The following SLC15A5 variants were observed in gnomAD, a reference collection of about 807,000 sequenced individuals.
SLC15A5 encodes the protein solute carrier family 15 member 5, also known as Peptide/histidine transporter ENSP00000340402.
Under a neutral mutation model 56.1 loss-of-function variants are expected in SLC15A5, and 58 were observed. The observed-to-expected ratio is 1.03, with a 90% confidence interval of 0.84 to 1.29. SLC15A5 has a LOEUF of 1.29. Ranked by LOEUF, SLC15A5 falls within the 50% of genes most tolerant of loss-of-function variation. The pLI is 0.00. For synonymous variants in SLC15A5, 264 were observed against 250.5 expected, an observed-to-expected ratio of 1.05 and a Z score of -0.51; for missense variants, 681 against 672.1, an observed-to-expected ratio of 1.01 and a Z score of -0.15.
Position 16,220,858 on chromosome 12 carries a change from A to G in SLC15A5, c.1351+3556T>C, listed in dbSNP as rs1591646287. On this transcript the variant is annotated intron_variant, in intron 6 of 8. Transcript: ENST00000344941. ...CTGATGTGTCTAAAACTTCGAGAGCAGTATTAGGCACACTGTAGACACCCA... is the reference window on the plus strand; with the variant it reads ...CTGATGTGTCTAAAACTTCGAGAGCGGTATTAGGCACACTGTAGACACCCA... Among the ~76,000 whole-genome samples the G allele has an allele frequency of 2.6e-5, 4 of 152,312 alleles. No individual in the cohort carries two copies. The East Asian group carries it at 7.7e-4, about 29-fold the overall frequency.
intron 8 of SLC15A5, among the ~76,000 whole-genome samples, chr12:16,193,607 A>G (rs1398310398): frequency 6.6e-6 from 1 of 152,018 alleles, no homozygotes; most frequent in Non-Finnish European, 1.5e-5. Flanking sequence ...AGTGAGGAAA[A>G]TGAAAATCTG....
chr12:16,224,573 C>T lies in SLC15A5; in HGVS notation c.1192G>A (p.Val398Met). 6.5e-7 allele frequency: 1 copy of T among 1,533,940 alleles called. No homozygotes were observed. The highest frequency in any genetic ancestry group is 8.7e-7 in the Non-Finnish European group (1 of 1,145,638). ...IAGNLFAALS[V>M]MIAGFFEIHR... ...ATTTCAAAGAAGCCAGCTATCATCA[C>T]AGACAATGCAGCAAAAAGATTTCCA... Residue 398 changes from valine (V) to methionine (M), a missense_variant, in exon 6 of 9, where the codon GTG becomes ATG. By Grantham distance (21) the Val-to-Met change is conservative. Coordinates refer to ENST00000344941, the MANE Select transcript of SLC15A5 (RefSeq NM_001170798.1).
At chr12:16,195,877 A>G (rs920314659) in intron 7 of SLC15A5, among the ~76,000 whole-genome samples, 3 of 152,102 alleles carry the variant, frequency 2.0e-5, no homozygotes, top group Non-Finnish European at 4.4e-5. Context: ...CTACTCAATG[A>G]CTATTACTAT....
At position 16,275,650 on chromosome 12, in the gene SLC15A5, C is replaced by T. The variant is rs542589174; in HGVS notation, c.361+1675G>A. Among the ~76,000 whole-genome samples, 18 of 152,032 alleles carry T rather than the reference C, an allele frequency of 1.2e-4. 1 individual carries two copies. In the South Asian group the frequency reaches 3.7e-3, roughly 32 times the overall value. On this transcript the variant is annotated intron_variant, in intron 1 of 8. Coordinates refer to ENST00000344941, the MANE Select transcript of SLC15A5 (RefSeq NM_001170798.1). Reference sequence around the variant, plus strand: ...TTTAGTGACAGTTGGAATTTGATGGCAGCTGTAAGTGGAGGGCAACAAAGA... The same window carrying T: ...TTTAGTGACAGTTGGAATTTGATGGTAGCTGTAAGTGGAGGGCAACAAAGA...
intron 6 of SLC15A5, among the ~76,000 whole-genome samples, chr12:16,220,687 A>G (rs1864177487): frequency 6.6e-6 from 1 of 152,216 alleles, no homozygotes; most frequent in Non-Finnish European, 1.5e-5. Flanking sequence ...CATGTGTTGG[A>G]TCAATAACTG....
At chr12:16,264,113 C>T (rs1479411532) in intron 2 of SLC15A5, among the ~76,000 whole-genome samples, 2 of 152,200 alleles carry the variant, frequency 1.3e-5, no homozygotes, top group Admixed American at 6.5e-5. Flanking sequence ...CCTGGAAAAG[C>T]AGCAGACACT....
intron 2 of SLC15A5, among the ~76,000 whole-genome samples, chr12:16,266,836 T>C (rs1011222445): frequency 1.2e-4 from 18 of 152,168 alleles, no homozygotes; most frequent in African/African-American, 4.1e-4. Context: ...AGTAAAAATA[T>C]GTTTCTTTAG....
intron 2 of SLC15A5, among the ~76,000 whole-genome samples, chr12:16,264,218 A>G (rs527707700): frequency 9.9e-4 from 151 of 152,332 alleles, no homozygotes; most frequent in Non-Finnish European, 1.8e-3. Flanking sequence ...CACCTCTTGC[A>G]TTAGCATGAC....
intron 5 of SLC15A5, among the ~76,000 whole-genome samples, chr12:16,232,025 C>A (rs1452711780): frequency 6.6e-6 from 1 of 152,168 alleles, no homozygotes; most frequent in Admixed American, 6.5e-5. Context: ...GTCATATCAT[C>A]CTGAGTAATA....
chr12:16,247,530 C>T (rs1027037848), intron 3 of SLC15A5, among the ~76,000 whole-genome samples: 1 of 152,136 alleles, frequency 6.6e-6, no homozygotes, highest in East Asian at 1.9e-4. Context: ...GATGAAAACA[C>T]AGTGGGCTGT....
Position 16,189,608 on chromosome 12 carries a change from C to T in SLC15A5, c.*60G>A, listed in dbSNP as rs1863820766. The T allele has an allele frequency of 1.5e-6, 2 of 1,337,742 alleles. No homozygotes were observed. Among genetic ancestry groups the T allele is most frequent in the Non-Finnish European group, 1.9e-6 (2 of 1,039,820 alleles). The allele number at this position is 1,337,742 out of a possible 1,614,324, so 82.9% of individuals were successfully genotyped here. ...TTTACACTAAAACACATAAAATGCT[C>T]AACTGAAGAAGAAAACAATGAATAC... is the stretch of plus-strand genomic sequence containing the variant. On this transcript the variant is annotated 3_prime_UTR_variant, in exon 9 of 9. Coordinates refer to ENST00000344941, the MANE Select transcript of SLC15A5 (RefSeq NM_001170798.1).
intron 7 of SLC15A5, among the ~76,000 whole-genome samples, chr12:16,212,550 AT>A (rs1864094029): frequency 6.6e-6 from 1 of 152,108 alleles, no homozygotes; most frequent in Admixed American, 6.6e-5. Context: ...CTGTGATGTC[AT>A]TTAGTGAATG....
At chr12:16,258,968 A>G (rs1322525319) in intron 2 of SLC15A5, among the ~76,000 whole-genome samples, 4 of 140,756 alleles carry the variant, frequency 2.8e-5, no homozygotes, top group Non-Finnish European at 6.1e-5. Context: ...ATCCTGGGGC[A>G]TGTCTGCCAC....
chr12:16,224,668 A>G, intron 5 of SLC15A5, 66 bp from the exon 6 acceptor site: 9 of 1,405,306 alleles, frequency 6.4e-6, no homozygotes, highest in Non-Finnish European at 7.5e-6. Context: ...GTAATAAGCC[A>G]TAACATTTCT....
chr12:16,244,949 C>T (rs1477257820), intron 3 of SLC15A5, 149 bp from the exon 4 acceptor site: 8 of 769,406 alleles, frequency 1.0e-5, no homozygotes, highest in Non-Finnish European at 1.6e-5. Context: ...AAGGACCACG[C>T]TTCTGACAGT....
intron 7 of SLC15A5, among the ~76,000 whole-genome samples, chr12:16,203,341 T>C (rs1011071171): frequency 1.1e-4 from 16 of 152,184 alleles, no homozygotes; most frequent in African/African-American, 3.9e-4. Context: ...AGATCTTTTC[T>C]CTGGATCTTT....
intron 7 of SLC15A5, among the ~76,000 whole-genome samples, chr12:16,211,725 C>T (rs372467626): frequency 6.6e-6 from 1 of 152,148 alleles, no homozygotes; most frequent in African/African-American, 2.4e-5. Context: ...TTTAGATAAA[C>T]TATTCCTGAA....
intron 1 of SLC15A5, 120 bp from the exon 2 acceptor site, chr12:16,272,903 T>C: frequency 1.2e-6 from 1 of 867,612 alleles, no homozygotes; most frequent in Non-Finnish European, 1.8e-6. Flanking sequence ...TATCCAAACA[T>C]TTATGGTAGT....
chr12:16,230,922 CAA>C (rs35415868), intron 5 of SLC15A5, among the ~76,000 whole-genome samples: 1 of 145,874 alleles, frequency 6.9e-6, no homozygotes, highest in Non-Finnish European at 1.5e-5. Flanking sequence ...GACTCCGTCT[CAA>C]AAAAAAAAAA....
Sources: allele counts gnomAD v4.1 joint callset (sites outside exome capture counted in the v4.1 genomes callset), GRCh38; gene constraint gnomAD v4.1.1; transcripts MANE v1.5; gene names NCBI Gene and HGNC (gene_info 2026-07-23, HGNC 2026-07-21).